The following MRPL44 variants were observed in gnomAD, a reference collection of about 807,000 sequenced individuals.
MRPL44 encodes the protein large ribosomal subunit protein mL44.
In MRPL44, 21 loss-of-function variants were observed where a neutral mutation model predicts 25.9. The ratio of observed to expected loss-of-function variants is 0.81; its 90% CI spans 0.58 to 1.17. The LOEUF (loss-of-function observed/expected upper bound fraction) is 1.17. Among genes scored for constraint, MRPL44 ranks in the 50% most tolerant of loss-of-function variants. The pLI is 0.00. For missense variants in MRPL44, 410 were observed against 398.9 expected (o/e 1.03, Z -0.24); for synonymous variants, 169 against 151.0 (o/e 1.12, Z -0.87).
Position 223,967,065 on chromosome 2 carries a change from G to A in MRPL44, c.*31G>A. 1 of 1,551,512 alleles carries A rather than the reference G, an allele frequency of 6.4e-7. No individual in the cohort carries two copies. Among genetic ancestry groups the A allele is most frequent in the Non-Finnish European group, 8.7e-7 (1 of 1,145,770 alleles). ...ATGGATGCAGCAGCCTGAAACTTGA[G>A]AGCGAAAGTGAGATAAATGTCAAAG... On this transcript the variant is annotated 3_prime_UTR_variant, in exon 4 of 4. Coordinates refer to ENST00000258383, the MANE Select transcript of MRPL44 (RefSeq NM_022915.5).
intron 3 of MRPL44, 74 bp from the exon 4 acceptor site, chr2:223,966,789 T>TA: frequency 4.5e-6 from 6 of 1,324,630 alleles, no homozygotes; most frequent in Non-Finnish European, 6.2e-6. Flanking sequence ...AAGGCATAAT[T>TA]GCTTTATAAC....
Position 223,959,601 on chromosome 2 carries a change from T to G in MRPL44, c.247T>G (p.Phe83Val). 1 of 1,614,108 alleles carries G rather than the reference T, an allele frequency of 6.2e-7. No homozygotes were observed. Among genetic ancestry groups the G allele is most frequent in the Non-Finnish European group, 8.5e-7 (1 of 1,180,008 alleles). ...TTTTGGACATCGGTTACAGGAAAAC[T>G]TTTCCTTAGATCTTCTCAAAACTGC... Reference protein sequence around the residue: ...QAFGHRLQENFSLDLLKTAFV... With the variant: ...QAFGHRLQENVSLDLLKTAFV... Residue 83 changes from phenylalanine (F) to valine (V), a missense_variant, in exon 2 of 4, where the codon TTT (phenylalanine) becomes GTT (valine). By Grantham distance (50) the Phe-to-Val change is conservative. Transcript: ENST00000258383.
chr2:223,967,335 C>T lies in MRPL44; in HGVS notation c.*301C>T, dbSNP rs540034755. On this transcript the variant is annotated 3_prime_UTR_variant, in exon 4 of 4. Coordinates refer to ENST00000258383, the MANE Select transcript of MRPL44 (RefSeq NM_022915.5). ...GCAACCTCCACCTCACAGGTTCAAG[C>T]GATTCTCGTGGCTCAGCCTCCCTAG... The T allele has an allele frequency of 3.4e-5, 7 of 205,356 alleles. No homozygotes were observed. Among genetic ancestry groups the T allele is most frequent in the South Asian group, 2.3e-4 (2 of 8,774 alleles). 12.7% of individuals were successfully genotyped at this position (205,356 alleles called of 1,614,324 possible).
chr2:223,964,767 G>A (rs534543940), intron 3 of MRPL44, among the ~76,000 whole-genome samples: 2 of 152,130 alleles, frequency 1.3e-5, no homozygotes, highest in East Asian at 3.9e-4. Flanking sequence ...TTTGATTTTG[G>A]TATTTCAACT....
chr2:223,963,754 A>C lies in MRPL44; in HGVS notation c.649-2A>C, dbSNP rs757673221. 3.8e-6 allele frequency: 6 copies of C among 1,563,082 alleles called. No individual in the cohort carries two copies. ...ATGTATAAATTATATTTTTATATGC[A>C]GGACTTCTTAATTACTCAAATGACT... On this transcript the variant is annotated splice_acceptor_variant, in intron 2 of 3. Coordinates refer to ENST00000258383, the MANE Select transcript of MRPL44 (RefSeq NM_022915.5). LOFTEE classifies it high-confidence loss of function.
chr2:223,952,840 C>T (rs1689511190), upstream of MRPL44, among the ~76,000 whole-genome samples: 2 of 152,208 alleles, frequency 1.3e-5, no homozygotes, highest in South Asian at 4.2e-4. Context: ...GTTATCTGAC[C>T]ATGTGGCAGT....
At chr2:223,964,244 A>G (rs1286055578) in intron 3 of MRPL44, among the ~76,000 whole-genome samples, 2 of 152,156 alleles carry the variant, frequency 1.3e-5, no homozygotes, top group Non-Finnish European at 2.9e-5. Flanking sequence ...TAGAAGTACA[A>G]ATGTTGACTT....
In MRPL44 at chr2:223,958,051, T is replaced by C. The variant is rs369499835; in HGVS notation, c.179+400T>C. 7.9e-5 allele frequency among the ~76,000 whole-genome samples: 12 copies of C among 152,304 alleles called. No homozygotes were observed. The East Asian group carries it at 1.3e-3, about 17-fold the overall frequency. On this transcript the variant is annotated intron_variant, in intron 1 of 3. Coordinates refer to ENST00000258383, the MANE Select transcript of MRPL44 (RefSeq NM_022915.5). ...AAAAATTAATCTACAACCTGAATTCTGCTGTCTAGAGTAAAAGGAAAAAAA... is the reference window on the plus strand; with the variant it reads ...AAAAATTAATCTACAACCTGAATTCCGCTGTCTAGAGTAAAAGGAAAAAAA...
At chr2:223,957,740 C>T in intron 1 of MRPL44, 89 bp downstream of exon 1, 1 of 1,418,820 alleles carries the variant, frequency 7.0e-7, no homozygotes, top group Non-Finnish European at 9.5e-7. Context: ...GCTGATGCGC[C>T]CCTGGGTTAA....
chr2:223,965,207 A>G (rs951690328), intron 3 of MRPL44, among the ~76,000 whole-genome samples: 1 of 152,226 alleles, frequency 6.6e-6, no homozygotes, highest in African/African-American at 2.4e-5. Flanking sequence ...ATTCACTTCA[A>G]GATGACTTTT....
At chr2:223,951,553 A>G in the MRPL44 span, among the ~76,000 whole-genome samples, 2 of 143,638 alleles carry the variant, frequency 1.4e-5, no homozygotes, top group Non-Finnish European at 3.0e-5. Flanking sequence ...TTCTCGGCTC[A>G]CTGAAACGTC....
upstream of MRPL44, among the ~76,000 whole-genome samples, chr2:223,954,591 G>A (rs1186407177): frequency 6.6e-6 from 1 of 152,160 alleles, no homozygotes; most frequent in Non-Finnish European, 1.5e-5. Flanking sequence ...GGCTGTTAGC[G>A]GGAGGCCTCA....
intron 2 of MRPL44, among the ~76,000 whole-genome samples, chr2:223,961,592 G>A (rs577737323): frequency 1.3e-4 from 20 of 152,204 alleles, no homozygotes; most frequent in Non-Finnish European, 2.2e-4. Context: ...AAATTAGAAC[G>A]GCACTCTTAG....
upstream of MRPL44, among the ~76,000 whole-genome samples, chr2:223,953,270 G>A (rs1186645167): frequency 6.6e-6 from 1 of 151,826 alleles, no homozygotes; most frequent in Non-Finnish European, 1.5e-5. Context: ...GAGTAGCTGG[G>A]ACTACAGGCA....
chr2:223,964,314 A>G, intron 3 of MRPL44, among the ~76,000 whole-genome samples: 1 of 152,224 alleles, frequency 6.6e-6, no homozygotes, highest in Admixed American at 6.5e-5. Flanking sequence ...TGAGCCTAGA[A>G]CTGGAAAAGG....
chr2:223,961,100 C>T (rs1689653602), intron 2 of MRPL44, among the ~76,000 whole-genome samples: 1 of 152,192 alleles, frequency 6.6e-6, no homozygotes, highest in Admixed American at 6.5e-5. Context: ...CTCTGCTGAG[C>T]TCTGAAGCCG....
upstream of MRPL44, among the ~76,000 whole-genome samples, chr2:223,955,518 C>T (rs3806489): frequency 0.33 from 50,763 of 152,054 alleles, 10,106 homozygotes; most frequent in Non-Finnish European, 0.44. Flanking sequence ...TTCTGTGCCC[C>T]GTATTCCAGC....
intron 1 of MRPL44, among the ~76,000 whole-genome samples, chr2:223,958,942 C>T (rs1559183613): frequency 6.6e-6 from 1 of 152,126 alleles, no homozygotes; most frequent in Non-Finnish European, 1.5e-5. Flanking sequence ...ACAAAGTGAG[C>T]ACATGCAGAA....
Position 223,958,616 on chromosome 2 carries a change from C to T in MRPL44, c.180-918C>T, listed in dbSNP as rs576984354. On this transcript the variant is annotated intron_variant, in intron 1 of 3. Coordinates refer to ENST00000258383, the MANE Select transcript of MRPL44 (RefSeq NM_022915.5). ...TCTTACGACTTTCAACCTAGGTTTT[C>T]ATACTTTGCTTCCCTTTGTTTCTTA... 2.5e-4 allele frequency among the ~76,000 whole-genome samples: 38 copies of T among 152,304 alleles called. No homozygotes were observed. The East Asian group carries it at 7.3e-3, about 29-fold the overall frequency.
Sources: gnomAD v4.1 joint callset for allele counts (sites outside exome capture counted in the v4.1 genomes callset) on GRCh38, gnomAD v4.1.1 for gene constraint, MANE v1.5 for transcripts, NCBI Gene and HGNC (gene_info 2026-07-23, HGNC 2026-07-21) for gene names.